Variants in KCNIP1 observed in about 807,000 individuals in gnomAD.
KCNIP1 encodes A-type potassium channel modulatory protein KCNIP1.
Under a neutral mutation model 33.0 loss-of-function variants are expected in KCNIP1, and 18 were observed. The ratio of observed to expected loss-of-function variants is 0.55; its 90% CI spans 0.38 to 0.81. The LOEUF is 0.81. KCNIP1 is among the 30% of genes least tolerant of loss of function. The pLI is 0.00. For missense variants in KCNIP1, 238 were observed against 271.6 expected (o/e 0.88, Z 0.87); for synonymous variants, 93 against 98.3 (o/e 0.95, Z 0.32).
At chr5:170,447,356 AC>A (rs746344429) in intron 1 of KCNIP1, among the ~76,000 whole-genome samples, 1 of 152,104 alleles carries the variant, frequency 6.6e-6, no homozygotes, top group Non-Finnish European at 1.5e-5. Context: ...TATGAAGCAG[AC>A]CCTACCTCTC....
At chr5:170,485,261 C>T (rs1399448580) in intron 1 of KCNIP1, among the ~76,000 whole-genome samples, 1 of 152,204 alleles carries the variant, frequency 6.6e-6, no homozygotes, top group Non-Finnish European at 1.5e-5. Context: ...TTTCATCCCC[C>T]TACACAACCC....
At chr5:170,598,033 T>C (rs912612662) in intron 1 of KCNIP1, among the ~76,000 whole-genome samples, 3 of 152,100 alleles carry the variant, frequency 2.0e-5, no homozygotes, top group East Asian at 1.9e-4. Flanking sequence ...TGGCCCCCAC[T>C]CCTGCCTCCC....
intron 1 of KCNIP1, among the ~76,000 whole-genome samples, chr5:170,673,974 C>T (rs1207973985): frequency 6.6e-6 from 1 of 152,008 alleles, no homozygotes; most frequent in Non-Finnish European, 1.5e-5. Flanking sequence ...TGTGACACAG[C>T]AGTTTTATTC....
intron 1 of KCNIP1, among the ~76,000 whole-genome samples, chr5:170,380,824 C>T (rs973090621): frequency 2.0e-5 from 3 of 152,160 alleles, no homozygotes; most frequent in African/African-American, 7.2e-5. Flanking sequence ...GAGTTCTGAG[C>T]TGTGTGACCT....
chr5:170,593,951 T>G, intron 1 of KCNIP1, among the ~76,000 whole-genome samples: 1 of 152,250 alleles, frequency 6.6e-6, no homozygotes, highest in East Asian at 1.9e-4. Flanking sequence ...TCAGTGAACA[T>G]TTATGGACCT....
intron 1 of KCNIP1, among the ~76,000 whole-genome samples, chr5:170,652,732 A>G (rs542046593): frequency 6.6e-6 from 1 of 152,234 alleles, no homozygotes; most frequent in South Asian, 2.1e-4. Flanking sequence ...ACAGAGAGGG[A>G]CTAACATTTA....
intron 1 of KCNIP1, among the ~76,000 whole-genome samples, chr5:170,622,352 T>G (rs879626181): frequency 1.3e-5 from 2 of 152,160 alleles, no homozygotes; most frequent in Non-Finnish European, 1.5e-5. Flanking sequence ...CCGGGGCCAG[T>G]AGCTCACGCC....
chr5:170,456,359 T>C (rs1041467600), intron 1 of KCNIP1, among the ~76,000 whole-genome samples: 1 of 152,006 alleles, frequency 6.6e-6, no homozygotes, highest in Non-Finnish European at 1.5e-5. Flanking sequence ...ACCTCATGCA[T>C]ATGGGGTTTA....
At chr5:170,365,012 A>G (rs1763618806) in intron 1 of KCNIP1, among the ~76,000 whole-genome samples, 1 of 152,120 alleles carries the variant, frequency 6.6e-6, no homozygotes, top group African/African-American at 2.4e-5. Context: ...CTGAAACTCT[A>G]TACGCTTTGG....
rs1764362199 is a variant in KCNIP1, at chr5:170,735,648, T to C, written c.604-111T>C. 8 of 906,130 alleles carry C rather than the reference T, an allele frequency of 8.8e-6. No individual in the cohort carries two copies. The South Asian group carries it at 1.0e-4, about 11-fold the overall frequency. 56.1% of individuals were successfully genotyped at this position (906,130 alleles called of 1,614,324 possible). On this transcript the variant is annotated intron_variant, in intron 7 of 7. Coordinates refer to ENST00000328939, the MANE Select transcript of KCNIP1 (RefSeq NM_014592.4). ...TTACTTCTTGTTTTTCATACCCTTG[T>C]AGAGTTTTCTCCATATAGGAAACCC...
chr5:170,680,981 A>G (rs1005324775), intron 1 of KCNIP1: 3 of 398,846 alleles, frequency 7.5e-6, no homozygotes, highest in Non-Finnish European at 1.3e-5. Context: ...CGTGCACTTT[A>G]GAACAGCAGG....
At chr5:170,543,010 T>A (rs184724273) in intron 1 of KCNIP1, among the ~76,000 whole-genome samples, 10 of 152,318 alleles carry the variant, frequency 6.6e-5, no homozygotes, top group Admixed American at 6.5e-4. Context: ...TCTTCATAGA[T>A]GGTGCCTTCT....
At chr5:170,585,801 C>T (rs1038013112) in intron 1 of KCNIP1, among the ~76,000 whole-genome samples, 4 of 152,218 alleles carry the variant, frequency 2.6e-5, no homozygotes, top group Admixed American at 1.3e-4. Context: ...GGAACCCAGT[C>T]GCAGGGCCAC....
chr5:170,493,238 G>C (rs1434711696), intron 1 of KCNIP1, among the ~76,000 whole-genome samples: 2 of 152,144 alleles, frequency 1.3e-5, no homozygotes. Context: ...GGACACTCAG[G>C]GCTTTGTGTG....
At chr5:170,512,488 A>C (rs1260437901) in intron 1 of KCNIP1, among the ~76,000 whole-genome samples, 1 of 152,206 alleles carries the variant, frequency 6.6e-6, no homozygotes, top group African/African-American at 2.4e-5. Flanking sequence ...TAGAATTCAA[A>C]TCCTGGCTCT....
chr5:170,675,881 C>T (rs992858373), intron 1 of KCNIP1, among the ~76,000 whole-genome samples: 2 of 152,160 alleles, frequency 1.3e-5, no homozygotes, highest in Non-Finnish European at 2.9e-5. Flanking sequence ...AACTGCAACA[C>T]GCAAATAGAT....
chr5:170,353,912 C>T (rs764153768), exon 1 of KCNIP1: 57 of 1,614,050 alleles, frequency 3.5e-5, no homozygotes, highest in African/African-American at 1.1e-4. Context: ...AGCTTGGGTT[C>T]GTGAAATTTG....
intron 1 of KCNIP1, among the ~76,000 whole-genome samples, chr5:170,576,695 A>G (rs1234598980): frequency 6.6e-6 from 1 of 152,188 alleles, no homozygotes; most frequent in Non-Finnish European, 1.5e-5. Context: ...TGAGACCATT[A>G]AATAAGATAA....
intron 1 of KCNIP1, among the ~76,000 whole-genome samples, chr5:170,613,769 G>T (rs1237119918): frequency 6.6e-6 from 1 of 152,110 alleles, no homozygotes; most frequent in Non-Finnish European, 1.5e-5. Context: ...CAGAAAAAAA[G>T]GTCATATTAG....
Sources: allele counts gnomAD v4.1 joint callset (sites outside exome capture counted in the v4.1 genomes callset), GRCh38; gene constraint gnomAD v4.1.1; transcripts MANE v1.5; gene names NCBI Gene and HGNC (gene_info 2026-07-23, HGNC 2026-07-21).